Variants in BIN3 observed in about 807,000 individuals in gnomAD.
The protein encoded by BIN3 is bridging integrator 3.
A neutral mutation model predicts 38.2 loss-of-function variants in BIN3; 41 were observed. That is an observed-to-expected ratio of 1.07 (90% CI 0.84 to 1.39). The LOEUF (loss-of-function observed/expected upper bound fraction) is 1.39, where lower values mean the gene tolerates loss of function less well. Among genes scored for constraint, BIN3 ranks in the 40% most tolerant of loss-of-function variants. The probability of loss-of-function intolerance (pLI) is 0.00; values close to 1 mark genes in which losing one functional copy is unlikely to be tolerated. For missense variants in BIN3, 361 were observed against 324.3 expected (o/e 1.11, Z -0.87); for synonymous variants, 145 against 122.6 (o/e 1.18, Z -1.21).
intron 1 of BIN3, among the ~76,000 whole-genome samples, chr8:22,663,134 A>G (rs1323198648): frequency 2.6e-5 from 4 of 152,230 alleles, no homozygotes; most frequent in East Asian, 1.9e-4. Flanking sequence ...ACGAAAAACC[A>G]TGAACAAGAA....
chr8:22,648,124 G>A (rs181821604), intron 1 of BIN3, among the ~76,000 whole-genome samples: 4 of 123,498 alleles, frequency 3.2e-5, no homozygotes, highest in African/African-American at 1.2e-4. Flanking sequence ...GACAGAGTGA[G>A]ACTCCGTCTC....
At chr8:22,636,634 C>T (rs2117535724) in intron 3 of BIN3, 48 bp from the exon 4 acceptor site, 3 of 1,541,612 alleles carry the variant, frequency 1.9e-6, no homozygotes, top group South Asian at 1.2e-5. Flanking sequence ...CTTCCCCCTA[C>T]CTGAGCGAAG....
At chr8:22,640,424 A>G (rs184542195) in intron 2 of BIN3, among the ~76,000 whole-genome samples, 1 of 150,586 alleles carries the variant, frequency 6.6e-6, no homozygotes, top group East Asian at 2.0e-4. Flanking sequence ...CCTGGCCTCA[A>G]GTGATCTGCC....
intron 1 of BIN3, among the ~76,000 whole-genome samples, chr8:22,666,101 T>G (rs755916944): frequency 2.2e-4 from 33 of 152,140 alleles, no homozygotes; most frequent in Non-Finnish European, 3.2e-4. Context: ...ACTGGACCCC[T>G]AGGTATAGGG....
chr8:22,641,306 C>A (rs1370433392), intron 2 of BIN3, among the ~76,000 whole-genome samples: 1 of 152,202 alleles, frequency 6.6e-6, no homozygotes, highest in Non-Finnish European at 1.5e-5. Context: ...GTGGCCACCC[C>A]CTGCATTCAT....
intron 1 of BIN3, among the ~76,000 whole-genome samples, chr8:22,667,124 A>G (rs1039298920): frequency 2.0e-5 from 3 of 152,222 alleles, no homozygotes; most frequent in African/African-American, 7.2e-5. Context: ...AAGGAATCTC[A>G]GCTTTGAGGG....
rs1554565153 is a variant in BIN3, at chr8:22,624,155, G to A, written c.480+67C>T. The A allele has an allele frequency of 1.9e-6, 3 of 1,589,764 alleles. No homozygotes were observed. The South Asian group carries it at 3.5e-5, about 18-fold the overall frequency. ...GTCTTGGTGCCCCCAGGTGAGGGGA[G>A]GGACTTACCACAGGTGACCACGATG... is the stretch of plus-strand genomic sequence containing the variant. On this transcript the variant is annotated intron_variant, in intron 7 of 8. Transcript: ENST00000276416.
Position 22,653,419 on chromosome 8 carries a change from C to T in BIN3, c.9-8616G>A, listed in dbSNP as rs187546637. On this transcript the variant is annotated intron_variant, in intron 1 of 8. Coordinates refer to ENST00000276416, the MANE Select transcript of BIN3 (RefSeq NM_018688.6). ...TGATTTCTACATATTTAAGCACTCACCTTATCATTTTTGTGTTCCATTATT... is the reference window on the plus strand; with the variant it reads ...TGATTTCTACATATTTAAGCACTCATCTTATCATTTTTGTGTTCCATTATT... 7.3e-4 allele frequency among the ~76,000 whole-genome samples: 111 copies of T among 152,320 alleles called. 1 individual carries two copies. Among genetic ancestry groups the T allele is most frequent in the African/African-American group, 2.0e-3 (83 of 41,572 alleles).
At chr8:22,644,473 C>T in intron 2 of BIN3, 5 of 404,990 alleles carry the variant, frequency 1.2e-5, no homozygotes, top group South Asian at 9.3e-5. Flanking sequence ...AGAGGTGGAC[C>T]GTTCTAAAGC....
At chr8:22,656,420 A>G (rs910861332) in intron 1 of BIN3, among the ~76,000 whole-genome samples, 4 of 152,120 alleles carry the variant, frequency 2.6e-5, no homozygotes, top group Admixed American at 1.3e-4. Flanking sequence ...GAAACCAGTC[A>G]CCATGTCTAC....
At chr8:22,653,520 A>C (rs907691361) in intron 1 of BIN3, among the ~76,000 whole-genome samples, 1 of 152,120 alleles carries the variant, frequency 6.6e-6, no homozygotes, top group African/African-American at 2.4e-5. Flanking sequence ...CACATTTCCA[A>C]CTCAGGAGCC....
chr8:22,644,093 C>T (rs1462435329), intron 2 of BIN3, among the ~76,000 whole-genome samples: 2 of 152,210 alleles, frequency 1.3e-5, no homozygotes, highest in African/African-American at 4.8e-5. Context: ...CAACTTTCCA[C>T]GGGCCTCATT....
intron 2 of BIN3, among the ~76,000 whole-genome samples, chr8:22,637,540 T>C (rs1458608125): frequency 6.6e-6 from 1 of 152,186 alleles, no homozygotes; most frequent in Non-Finnish European, 1.5e-5. Context: ...GGTCAGGCTC[T>C]CTCCATTCCC....
rs182400528 is a variant in BIN3 at position 22,644,956 on chromosome 8, C to A, written c.9-153G>T. ...ACCATGTGCCCTGGTGGGCATACAA[C>A]CATTGGCATCTGGGCTTGGTTCTAA... is the stretch of plus-strand genomic sequence containing the variant. On this transcript the variant is annotated intron_variant, in intron 1 of 8. Coordinates refer to ENST00000276416, the MANE Select transcript of BIN3 (RefSeq NM_018688.6). 327 of 635,816 alleles carry A rather than the reference C, an allele frequency of 5.1e-4. 4 individuals carry two copies. In the African/African-American group the frequency reaches 5.2e-3, roughly 10 times the overall value. The allele number at this position is 635,816 out of a possible 1,614,324, so 39.4% of individuals were successfully genotyped here.
chr8:22,658,631 G>A (rs1563982741), intron 1 of BIN3, among the ~76,000 whole-genome samples: 1 of 152,212 alleles, frequency 6.6e-6, no homozygotes, highest in African/African-American at 2.4e-5. Flanking sequence ...CCCTAAACCT[G>A]CTTCCTGGGT....
chr8:22,661,158 T>TC (rs1270261128), intron 1 of BIN3, among the ~76,000 whole-genome samples: 1 of 152,152 alleles, frequency 6.6e-6, no homozygotes, highest in Non-Finnish European at 1.5e-5. Context: ...GTGCTGGGAT[T>TC]ATAGGCATGA....
chr8:22,667,796 C>CA (rs1803471410), intron 1 of BIN3, among the ~76,000 whole-genome samples: 1 of 152,102 alleles, frequency 6.6e-6, no homozygotes, highest in South Asian at 2.1e-4. Context: ...ATTTGTCCAT[C>CA]AATCTTGGTC....
At chr8:22,654,347 A>T (rs1400384534) in intron 1 of BIN3, among the ~76,000 whole-genome samples, 1 of 152,224 alleles carries the variant, frequency 6.6e-6, no homozygotes, top group Non-Finnish European at 1.5e-5. Flanking sequence ...TTATTTTTAA[A>T]TAACATACCA....
At chr8:22,629,505 G>A (rs1329465081) in intron 6 of BIN3, among the ~76,000 whole-genome samples, 3 of 152,196 alleles carry the variant, frequency 2.0e-5, no homozygotes, top group South Asian at 2.1e-4. Flanking sequence ...CCGCTGCCAC[G>A]CCCCTCCCTG....
Sources: allele counts gnomAD v4.1 joint callset (sites outside exome capture counted in the v4.1 genomes callset), GRCh38; gene constraint gnomAD v4.1.1; transcripts MANE v1.5; gene names NCBI Gene and HGNC (gene_info 2026-07-23, HGNC 2026-07-21).